FYB1: variants seen among roughly 807,000 people sequenced by gnomAD.
FYB1 encodes the protein FYN binding protein 1, also known as FYN-binding protein 1.
In FYB1, 41 loss-of-function variants were observed where a neutral mutation model predicts 94.1. That is an observed-to-expected ratio of 0.44 (90% CI 0.34 to 0.57). FYB1 has a LOEUF of 0.57. Among genes scored for constraint, FYB1 ranks in the 20% least tolerant of loss-of-function variants. FYB1 has a pLI of 0.02. For synonymous variants in FYB1, 367 were observed against 353.2 expected (o/e 1.04, Z -0.44); for missense variants, 1,050 against 976.8 (o/e 1.07, Z -1.00).
At position 39,232,794 on chromosome 5, in the gene FYB1, A is replaced by C. The variant is rs183168775; in HGVS notation, c.-27-29807T>G. Among the ~76,000 whole-genome samples, 967 of 140,846 alleles carry C rather than the reference A, an allele frequency of 6.9e-3. 15 individuals carry two copies. Among genetic ancestry groups the C allele is most frequent in the African/African-American group, 0.024 (918 of 37,614 alleles). 92.4% of individuals were successfully genotyped at this position (140,846 alleles called of 152,430 possible). On this transcript the variant is annotated intron_variant, in intron 1 of 1. Coordinates refer to the FYB1 transcript ENST00000510188. ...CATGTGATCTCATTGTTCAATTCCC[A>C]CCTATGAGTGAGAATATGCAGTGTT...
At chr5:39,227,234 A>C (rs191855293) in intron 1 of FYB1, among the ~76,000 whole-genome samples, 284 of 150,706 alleles carry the variant, frequency 1.9e-3, no homozygotes, top group Middle Eastern at 3.4e-3. Context: ...AGTGTAATAC[A>C]TAACTCTTGG....
chr5:39,140,308 C>A (rs949095237), intron 4 of FYB1, among the ~76,000 whole-genome samples: 3 of 151,872 alleles, frequency 2.0e-5, no homozygotes, highest in Non-Finnish European at 2.9e-5. Context: ...ACTCCCAATA[C>A]AAAAAATGGT....
upstream of FYB1, among the ~76,000 whole-genome samples, chr5:39,220,921 T>C (rs1476977158): frequency 6.6e-6 from 1 of 152,182 alleles, no homozygotes; most frequent in Non-Finnish European, 1.5e-5. Flanking sequence ...ATGGTAACAA[T>C]GATGATGACA....
intron 1 of FYB1, among the ~76,000 whole-genome samples, chr5:39,264,864 A>G (rs181108811): frequency 7.9e-5 from 12 of 151,884 alleles, no homozygotes; most frequent in Non-Finnish European, 2.9e-5. Context: ...TCTCAAGAGG[A>G]TTTCTCCCCT....
chr5:39,137,228 C>T (rs1243737206), intron 7 of FYB1, among the ~76,000 whole-genome samples: 1 of 152,094 alleles, frequency 6.6e-6, no homozygotes, highest in Non-Finnish European at 1.5e-5. Context: ...GTCCAATGCC[C>T]CCCTATAATA....
At chr5:39,212,121 C>T (rs939456614) in intron 1 of FYB1, among the ~76,000 whole-genome samples, 1 of 152,032 alleles carries the variant, frequency 6.6e-6, no homozygotes, top group African/African-American at 2.4e-5. Context: ...GCCTGGGCAA[C>T]AAAGCAAGAC....
chr5:39,210,373 C>G (rs1749251842), intron 1 of FYB1, among the ~76,000 whole-genome samples: 2 of 152,182 alleles, frequency 1.3e-5, no homozygotes, highest in Admixed American at 6.5e-5. Flanking sequence ...GGTGTTATTC[C>G]GAGCACTGAT....
chr5:39,268,712 T>C (rs1752540085), intron 1 of FYB1, among the ~76,000 whole-genome samples: 1 of 152,014 alleles, frequency 6.6e-6, no homozygotes, highest in African/African-American at 2.4e-5. Flanking sequence ...GTTACAGGCA[T>C]GCGCCACCAT....
At chr5:39,234,366 C>A (rs890879947) in intron 1 of FYB1, among the ~76,000 whole-genome samples, 10 of 151,968 alleles carry the variant, frequency 6.6e-5, no homozygotes, top group Non-Finnish European at 1.5e-4. Context: ...CTATGGAGCC[C>A]ATGTCCTAGG....
intron 1 of FYB1, among the ~76,000 whole-genome samples, chr5:39,261,307 A>G (rs1170502499): frequency 3.0e-5 from 1 of 32,986 alleles, no homozygotes; most frequent in African/African-American, 1.3e-4. Flanking sequence ...AGTAGAATTA[A>G]AAAAAAAAAA....
chr5:39,132,887 G>T (rs944725042), intron 9 of FYB1, among the ~76,000 whole-genome samples: 2 of 152,154 alleles, frequency 1.3e-5, no homozygotes, highest in African/African-American at 4.8e-5. Context: ...GTGACGATTT[G>T]GAACTTCATC....
At chr5:39,203,088 C>A in intron 1 of FYB1, 101 bp from the exon 2 acceptor site, 1 of 969,784 alleles carries the variant, frequency 1.0e-6, no homozygotes, top group Non-Finnish European at 1.5e-6. Context: ...AGGCCTGCAG[C>A]GTTGCTGATT....
At chr5:39,198,233 G>A (rs980849574) in intron 2 of FYB1, among the ~76,000 whole-genome samples, 10 of 152,112 alleles carry the variant, frequency 6.6e-5, no homozygotes, top group South Asian at 2.1e-4. Flanking sequence ...GAGGTAAAGC[G>A]AAGGTCACAT....
chr5:39,266,283 A>G (rs1752434754), intron 1 of FYB1, among the ~76,000 whole-genome samples: 1 of 152,184 alleles, frequency 6.6e-6, no homozygotes, highest in Admixed American at 6.5e-5. Context: ...GGAACACCTA[A>G]GCCAACTCTG....
chr5:39,106,566 GAAACAA>G lies in FYB1; in HGVS notation c.*871_*876del, dbSNP rs958139253. 4.0e-5 allele frequency: 6 copies of G among 151,892 alleles called. No homozygotes were observed. The highest frequency in any genetic ancestry group is 1.5e-4 in the African/African-American group (6 of 41,366). 9.4% of individuals were successfully genotyped at this position (151,892 alleles called of 1,614,324 possible). The stretch of plus-strand genomic sequence containing the variant: ...GAGAAAAAAAAATCTAGCGGTAATT[GAAACAA>G]AAACAAAAACTTTAAAAAGTGTCTT... On this transcript the variant is annotated 3_prime_UTR_variant, in exon 19 of 19. Transcript: ENST00000512982.
At position 39,231,163 on chromosome 5, in the gene FYB1, A is replaced by AAC. The variant is rs1561294088; in HGVS notation, c.-27-28177_-27-28176insGT. Among the ~76,000 whole-genome samples, 17 of 118,934 alleles carry AAC rather than the reference A, an allele frequency of 1.4e-4. 1 individual carries two copies. The highest frequency in any genetic ancestry group is 3.6e-3 in the Middle Eastern group (1 of 280). The allele number at this position is 118,934 out of a possible 152,430, so 78.0% of individuals were successfully genotyped here. On this transcript the variant is annotated intron_variant, in intron 1 of 1. Transcript: ENST00000510188. ...AGCTCAGAGCAAAAAAAAAAAAAAC[A>AAC]AAAAAAAACAAAAAAAACAAAACAG... is the stretch of plus-strand genomic sequence containing the variant.
At chr5:39,137,439 G>A in intron 7 of FYB1, 161 bp downstream of exon 7, 2 of 666,644 alleles carry the variant, frequency 3.0e-6, no homozygotes, top group Non-Finnish European at 4.7e-6. Flanking sequence ...GGGATAAAAT[G>A]GTGTATTGGA....
rs768305808 is a variant in FYB1 at position 39,110,405 on chromosome 5, GA to G, written c.2402-17del. Reference sequence around the variant, plus strand: ...ACATAACCATCTACGAAGGAAAAAGGAAATAAATTGTATCAATAATACAGGT... The same window carrying G: ...ACATAACCATCTACGAAGGAAAAAGGAATAAATTGTATCAATAATACAGGT... On this transcript the variant is annotated splice_polypyrimidine_tract_variant and intron_variant, in intron 16 of 18. Transcript: ENST00000512982. 6 of 1,565,760 alleles carry G rather than the reference GA, an allele frequency of 3.8e-6. No individual in the cohort carries two copies. In the African/African-American group the frequency reaches 6.8e-5, roughly 18 times the overall value.
chr5:39,239,341 G>A (rs1025490477), intron 1 of FYB1, among the ~76,000 whole-genome samples: 1 of 152,054 alleles, frequency 6.6e-6, no homozygotes, highest in African/African-American at 2.4e-5. Flanking sequence ...GAAATAAAAG[G>A]CATCCAAATA....
Sources: allele counts gnomAD v4.1 joint callset (sites outside exome capture counted in the v4.1 genomes callset), GRCh38; gene constraint gnomAD v4.1.1; transcripts MANE v1.5; gene names NCBI Gene and HGNC (gene_info 2026-07-23, HGNC 2026-07-21).